CNTN5: variants seen among roughly 807,000 people sequenced by gnomAD.
CNTN5 encodes contactin 5, also known as contactin-5.
CNTN5 carries 77 observed loss-of-function variants against 129.1 expected under a neutral mutation model. That is an observed-to-expected ratio of 0.60 (90% CI 0.50 to 0.72). The LOEUF is 0.72. Ranked by LOEUF, CNTN5 falls within the 30% of genes least tolerant of loss-of-function variation. The pLI, the probability that CNTN5 is intolerant of heterozygous loss-of-function variation, is 0.00. For synonymous variants in CNTN5, 509 were observed against 465.6 expected, an observed-to-expected ratio of 1.09 and a Z score of -1.20; for missense variants, 1,478 against 1,328.8, an observed-to-expected ratio of 1.11 and a Z score of -1.75.
intron 3 of CNTN5, among the ~76,000 whole-genome samples, chr11:99,749,142 G>T (rs1274389756): frequency 2.6e-5 from 4 of 152,034 alleles, no homozygotes; most frequent in Admixed American, 2.6e-4. Flanking sequence ...TGATACTTTG[G>T]CTTACTGATG....
intron 1 of CNTN5, among the ~76,000 whole-genome samples, chr11:99,043,925 G>A (rs928729159): frequency 6.6e-6 from 1 of 152,162 alleles, no homozygotes; most frequent in African/African-American, 2.4e-5. Flanking sequence ...GATGTTAAAT[G>A]AGACAGTGTG....
At chr11:99,937,154 A>C (rs780075585) in intron 7 of CNTN5, among the ~76,000 whole-genome samples, 1 of 152,244 alleles carries the variant, frequency 6.6e-6, no homozygotes, top group Non-Finnish European at 1.5e-5. Context: ...TTCCTTTTAC[A>C]AAACATGTTG....
At chr11:99,266,591 G>T (rs1449754145) in intron 1 of CNTN5, among the ~76,000 whole-genome samples, 1 of 152,144 alleles carries the variant, frequency 6.6e-6, no homozygotes, top group Non-Finnish European at 1.5e-5. Context: ...AACAGAGCAA[G>T]ATCTTGTCTT....
At chr11:99,920,584 A>G (rs982400667) in intron 7 of CNTN5, among the ~76,000 whole-genome samples, 1 of 152,126 alleles carries the variant, frequency 6.6e-6, no homozygotes, top group African/African-American at 2.4e-5. Context: ...CATTCTGTAC[A>G]TCAGGCCTCA....
chr11:99,612,187 G>A (rs2019576), intron 3 of CNTN5, among the ~76,000 whole-genome samples: 57,229 of 151,858 alleles, frequency 0.38, 10,752 homozygotes, highest in African/African-American at 0.4. Context: ...ATTGTTCAAC[G>A]GAATGTTCAA....
At chr11:99,554,976 C>T (rs1027842296) in intron 2 of CNTN5, among the ~76,000 whole-genome samples, 4 of 151,878 alleles carry the variant, frequency 2.6e-5, no homozygotes, top group Admixed American at 1.3e-4. Flanking sequence ...AATAAATTAA[C>T]CATTATTGTC....
At chr11:100,019,726 T>C (rs901897500) in intron 9 of CNTN5, among the ~76,000 whole-genome samples, 1 of 151,980 alleles carries the variant, frequency 6.6e-6, no homozygotes, top group Non-Finnish European at 1.5e-5. Flanking sequence ...TGTTGGATCA[T>C]ATAGTGGTTT....
At chr11:99,779,623 C>G (rs1945243844) in intron 3 of CNTN5, among the ~76,000 whole-genome samples, 1 of 151,928 alleles carries the variant, frequency 6.6e-6, no homozygotes, top group Non-Finnish European at 1.5e-5. Context: ...TCTTCAAATT[C>G]TAACAGTAAC....
chr11:99,702,050 G>A (rs1261680831), intron 3 of CNTN5, among the ~76,000 whole-genome samples: 1 of 151,022 alleles, frequency 6.6e-6, no homozygotes, highest in Non-Finnish European at 1.5e-5. Context: ...TTGTTAATCA[G>A]TGAGTATATT....
rs1466752225 is a variant in CNTN5 at position 99,222,887 on chromosome 11, T to A, written c.-209-102459T>A. Among the ~76,000 whole-genome samples the A allele has an allele frequency of 2.0e-5, 3 of 152,166 alleles. 1 individual carries two copies. The highest frequency in any genetic ancestry group is 2.0e-4 in the Admixed American group (3 of 15,252). ...TCTTTAATACTAGGCACCAATAAGA[T>A]CTATTTATTAGATGTATAACCGTGA... On this transcript the variant is annotated intron_variant, in intron 1 of 24. Coordinates refer to ENST00000524871, the MANE Select transcript of CNTN5 (RefSeq NM_014361.4).
intron 2 of CNTN5, among the ~76,000 whole-genome samples, chr11:99,467,347 A>G (rs1944985474): frequency 6.6e-6 from 1 of 152,026 alleles, no homozygotes; most frequent in Non-Finnish European, 1.5e-5. Context: ...TAGGACTTTC[A>G]TTCATTTGGA....
chr11:100,041,609 C>A (rs183807603), intron 9 of CNTN5, among the ~76,000 whole-genome samples: 422 of 152,266 alleles, frequency 2.8e-3, no homozygotes, highest in Middle Eastern at 6.8e-3. Flanking sequence ...AGATAAGAAA[C>A]ACCTAGGCAA....
At chr11:99,878,544 T>C (rs753382994) in intron 6 of CNTN5, among the ~76,000 whole-genome samples, 18 of 152,230 alleles carry the variant, frequency 1.2e-4, no homozygotes, top group Non-Finnish European at 1.5e-5. Context: ...AGCCTTTCTG[T>C]CATTAATCAG....
chr11:99,957,088 T>A (rs1030669886), intron 8 of CNTN5, 79 bp downstream of exon 8: 11 of 1,216,344 alleles, frequency 9.0e-6, no homozygotes, highest in African/African-American at 7.7e-5. Flanking sequence ...GTTTTTTTTT[T>A]AAGACCTGGA....
chr11:100,017,078 T>A lies in CNTN5; in HGVS notation c.980+14942T>A, dbSNP rs564197450. 2.0e-5 allele frequency among the ~76,000 whole-genome samples: 3 copies of A among 152,114 alleles called. No individual in the cohort carries two copies. The East Asian group carries it at 5.8e-4, about 29-fold the overall frequency. ...ATCATTTTTATTCCCACTTTTCTTTTCTTTGGGAGGTTGAATCAATCTACA... is the reference window on the plus strand; with the variant it reads ...ATCATTTTTATTCCCACTTTTCTTTACTTTGGGAGGTTGAATCAATCTACA... On this transcript the variant is annotated intron_variant, in intron 9 of 24. Transcript: ENST00000524871.
At chr11:100,048,113 A>G (rs1369689121) in intron 9 of CNTN5, among the ~76,000 whole-genome samples, 1 of 152,146 alleles carries the variant, frequency 6.6e-6, no homozygotes, top group Non-Finnish European at 1.5e-5. Flanking sequence ...CCTGGGTGAC[A>G]GAGCGAGACT....
chr11:99,467,518 T>C (rs376795860), intron 2 of CNTN5, among the ~76,000 whole-genome samples: 3 of 152,164 alleles, frequency 2.0e-5, no homozygotes, highest in Admixed American at 2.0e-4. Context: ...ATAAATCGTC[T>C]TCTCATCTGC....
chr11:99,050,824 G>A (rs371957407), intron 1 of CNTN5, among the ~76,000 whole-genome samples: 1 of 151,598 alleles, frequency 6.6e-6, no homozygotes, highest in African/African-American at 2.4e-5. Context: ...ATACTTTTCC[G>A]ATTTAAGATG....
At chr11:100,018,711 T>G (rs1020497649) in intron 9 of CNTN5, among the ~76,000 whole-genome samples, 2 of 151,990 alleles carry the variant, frequency 1.3e-5, no homozygotes, top group African/African-American at 4.8e-5. Context: ...CTAAACGATA[T>G]GGTAGGAGTA....
Sources: gnomAD v4.1 joint callset for allele counts (sites outside exome capture counted in the v4.1 genomes callset) on GRCh38, gnomAD v4.1.1 for gene constraint, MANE v1.5 for transcripts, NCBI Gene and HGNC (gene_info 2026-07-23, HGNC 2026-07-21) for gene names.